The following GHR variants were observed in gnomAD, a reference collection of about 807,000 sequenced individuals.
GHR encodes GH receptor.
A neutral mutation model predicts 67.1 loss-of-function variants in GHR; 35 were observed. The ratio of observed to expected loss-of-function variants is 0.52; its 90% CI spans 0.40 to 0.69. The LOEUF (loss-of-function observed/expected upper bound fraction) is 0.69, where lower values mean the gene tolerates loss of function less well. GHR is among the 30% of genes least tolerant of loss of function. GHR has a pLI of 0.00. For synonymous variants in GHR, 272 were observed against 269.1 expected (o/e 1.01, Z -0.10); for missense variants, 792 against 764.6 (o/e 1.04, Z -0.42).
Position 42,719,399 on chromosome 5 carries a change from A to C in GHR, c.1892A>C (p.Asp631Ala), listed in dbSNP as rs1758910104. ...FLSSCGYVST[D>A]QLNKIMP ...TCATCATGTGGCTATGTGAGCACAG[A>C]CCAACTGAACAAAATCATGCCTTAG... The change falls in exon 10 of 10, where the codon GAC becomes GCC. Residue 631 changes from aspartate (D) to alanine (A), a missense_variant. Coordinates refer to ENST00000230882, the MANE Select transcript of GHR (RefSeq NM_000163.5). 1.2e-6 allele frequency: 2 copies of C among 1,613,574 alleles called. No homozygotes were observed. The highest frequency in any genetic ancestry group is 2.7e-5 in the African/African-American group (2 of 74,936).
intron 1 of GHR, among the ~76,000 whole-genome samples, chr5:42,443,265 A>G (rs1299305005): frequency 6.6e-6 from 1 of 152,204 alleles, no homozygotes; most frequent in Non-Finnish European, 1.5e-5. Flanking sequence ...TCATTAATGT[A>G]TTACTTGGAA....
chr5:42,692,742 A>T (rs1757476915), intron 4 of GHR, among the ~76,000 whole-genome samples: 1 of 152,198 alleles, frequency 6.6e-6, no homozygotes, highest in Non-Finnish European at 1.5e-5. Context: ...AAATTCTGTG[A>T]ATCATGAAAG....
intron 1 of GHR, among the ~76,000 whole-genome samples, chr5:42,518,619 G>A (rs1471548237): frequency 2.0e-5 from 3 of 152,148 alleles, no homozygotes; most frequent in South Asian, 2.1e-4. Context: ...CAGAGTTAGC[G>A]AGCATTTGGA....
chr5:42,527,902 A>G (rs1256029493), intron 1 of GHR, among the ~76,000 whole-genome samples: 1 of 152,132 alleles, frequency 6.6e-6, no homozygotes, highest in Admixed American at 6.5e-5. Context: ...CTCTGTCTAT[A>G]CTCTATAAAT....
chr5:42,441,091 G>A (rs1003781887), intron 1 of GHR, among the ~76,000 whole-genome samples: 1 of 152,160 alleles, frequency 6.6e-6, no homozygotes, highest in African/African-American at 2.4e-5. Flanking sequence ...AGCCACTGAG[G>A]TAAGTGAGAT....
At chr5:42,517,550 A>G (rs1747292724) in intron 1 of GHR, among the ~76,000 whole-genome samples, 1 of 152,240 alleles carries the variant, frequency 6.6e-6, no homozygotes. Flanking sequence ...CACATGCTTG[A>G]AATGTCATCA....
intron 2 of GHR, among the ~76,000 whole-genome samples, chr5:42,613,698 C>A (rs1239634859): frequency 6.6e-6 from 1 of 152,038 alleles, no homozygotes; most frequent in Non-Finnish European, 1.5e-5. Flanking sequence ...ACCTAAATGG[C>A]ATGAAATGTG....
chr5:42,558,131 C>T (rs945270698), intron 1 of GHR, among the ~76,000 whole-genome samples: 2 of 152,032 alleles, frequency 1.3e-5, no homozygotes, highest in East Asian at 1.9e-4. Flanking sequence ...TGATTCAAAT[C>T]GGGACATAAT....
rs142085164 is a variant in GHR at position 42,454,964 on chromosome 5, T to A, written c.-12+31009T>A. On this transcript the variant is annotated intron_variant, in intron 1 of 9. Coordinates refer to ENST00000230882, the MANE Select transcript of GHR (RefSeq NM_000163.5). ...GAAGCTTCTTTCACCTTGTGCCCCC[T>A]CCCTAATTCTGCTGGCTGCCTTCCC... Among the ~76,000 whole-genome samples the A allele has an allele frequency of 1.9e-3, 291 of 152,182 alleles. 1 individual carries two copies. The highest frequency in any genetic ancestry group is 6.3e-3 in the African/African-American group (263 of 41,516).
intron 2 of GHR, among the ~76,000 whole-genome samples, chr5:42,600,240 G>A (rs893712314): frequency 1.3e-5 from 2 of 152,214 alleles, no homozygotes; most frequent in African/African-American, 4.8e-5. Flanking sequence ...AGACCCTGGA[G>A]ATGGAGATTC....
chr5:42,429,872 T>C (rs1245230168), intron 1 of GHR, among the ~76,000 whole-genome samples: 3 of 152,208 alleles, frequency 2.0e-5, no homozygotes, highest in Non-Finnish European at 4.4e-5. Flanking sequence ...CATGAGTCAG[T>C]ACTAGCAATC....
At chr5:42,610,285 A>G (rs908500925) in intron 2 of GHR, among the ~76,000 whole-genome samples, 1 of 152,018 alleles carries the variant, frequency 6.6e-6, no homozygotes, top group Admixed American at 6.6e-5. Flanking sequence ...TCTGATGTGA[A>G]CCCCTCTAAG....
rs545011565 is a variant in GHR, at chr5:42,572,709, TTTAAC to T, written c.70+6770_70+6774del. ...ATCTCTGTTTCTGTTTATATAACAATTTAACTTAAGCCTCAACCTTCACAGTGTAC... is the reference window on the plus strand; with the variant it reads ...ATCTCTGTTTCTGTTTATATAACAATTTAAGCCTCAACCTTCACAGTGTAC... On this transcript the variant is annotated intron_variant, in intron 2 of 9. Coordinates refer to ENST00000230882, the MANE Select transcript of GHR (RefSeq NM_000163.5). Among the ~76,000 whole-genome samples the T allele has an allele frequency of 1.4e-3, 208 of 152,316 alleles. 1 individual carries two copies. Among genetic ancestry groups the T allele is most frequent in the Non-Finnish European group, 2.5e-3 (168 of 68,028 alleles).
At chr5:42,611,742 C>T (rs889811130) in intron 2 of GHR, among the ~76,000 whole-genome samples, 21 of 152,108 alleles carry the variant, frequency 1.4e-4, no homozygotes, top group African/African-American at 5.1e-4. Flanking sequence ...AATGGCATTT[C>T]AGCTGGAACT....
At chr5:42,540,528 A>T (rs1405381371) in intron 1 of GHR, among the ~76,000 whole-genome samples, 1 of 152,094 alleles carries the variant, frequency 6.6e-6, no homozygotes. Flanking sequence ...ATAAGCCTAA[A>T]ACCTCTCTTT....
At chr5:42,432,096 G>C (rs1479155012) in intron 1 of GHR, among the ~76,000 whole-genome samples, 1 of 152,142 alleles carries the variant, frequency 6.6e-6, no homozygotes, top group Non-Finnish European at 1.5e-5. Context: ...TTCCTCGGTT[G>C]TTTATAAAAT....
intron 3 of GHR, among the ~76,000 whole-genome samples, chr5:42,667,260 G>A (rs1379642429): frequency 6.6e-6 from 1 of 152,096 alleles, no homozygotes; most frequent in Non-Finnish European, 1.5e-5. Flanking sequence ...CTGCCTCACT[G>A]TCATCCTCTG....
At chr5:42,500,626 G>A (rs150716205) in intron 1 of GHR, among the ~76,000 whole-genome samples, 177 of 152,316 alleles carry the variant, frequency 1.2e-3, no homozygotes, top group African/African-American at 3.8e-3. Flanking sequence ...GAGAGTGCAT[G>A]TCAGACCTTC....
chr5:42,460,352 T>C (rs1744436435), intron 1 of GHR, among the ~76,000 whole-genome samples: 1 of 152,214 alleles, frequency 6.6e-6, no homozygotes, highest in Non-Finnish European at 1.5e-5. Flanking sequence ...GTAAGTTACT[T>C]AAAATTTCAA....
Sources: gnomAD v4.1 joint callset for allele counts (sites outside exome capture counted in the v4.1 genomes callset) on GRCh38, gnomAD v4.1.1 for gene constraint, MANE v1.5 for transcripts, NCBI Gene and HGNC (gene_info 2026-07-23, HGNC 2026-07-21) for gene names.